The following DBT variants were observed in gnomAD, a reference collection of about 807,000 sequenced individuals.
The protein encoded by DBT is lipoamide acyltransferase component of branched-chain alpha-keto acid dehydrogenase complex, mitochondrial.
Under a neutral mutation model 51.3 loss-of-function variants are expected in DBT, and 40 were observed. The observed-to-expected ratio is 0.78, with a 90% CI of 0.61 to 1.02. The LOEUF (loss-of-function observed/expected upper bound fraction) is 1.02. DBT is among the 50% of genes least tolerant of loss of function. DBT has a pLI of 0.00. For missense variants in DBT, 510 were observed against 580.2 expected (o/e 0.88, Z 1.24); for synonymous variants, 181 against 190.4 (o/e 0.95, Z 0.41).
At chr1:100,197,117 T>A (rs965877501) in intron 10 of DBT, 1 of 154,042 alleles carries the variant, frequency 6.5e-6, no homozygotes, top group Admixed American at 6.5e-5. Context: ...AGACAAAATA[T>A]AAGCCCCAAC....
intron 10 of DBT, 145 bp from the exon 11 acceptor site, chr1:100,196,567 T>C: frequency 7.8e-7 from 1 of 1,286,352 alleles, no homozygotes; most frequent in African/African-American, 1.5e-5. Flanking sequence ...GCATCCCCAA[T>C]GACTTTTGAA....
chr1:100,225,064 C>A (rs201557975), intron 4 of DBT, among the ~76,000 whole-genome samples: 2 of 93,370 alleles, frequency 2.1e-5, no homozygotes, highest in African/African-American at 4.3e-5. Flanking sequence ...CACACACACA[C>A]ACACACACAC....
chr1:100,231,475 G>C (rs1445828035), intron 3 of DBT, among the ~76,000 whole-genome samples: 1 of 152,184 alleles, frequency 6.6e-6, no homozygotes, highest in Non-Finnish European at 1.5e-5. Context: ...AAACAAAACA[G>C]GAGGAATGGG....
chr1:100,238,010 A>G (rs1034885882), intron 2 of DBT, among the ~76,000 whole-genome samples: 3 of 152,170 alleles, frequency 2.0e-5, no homozygotes, highest in Admixed American at 6.5e-5. Flanking sequence ...TTTAAGAAAA[A>G]TGTAAGATGT....
chr1:100,204,272 A>T (rs909132799), intron 10 of DBT, among the ~76,000 whole-genome samples: 1 of 152,218 alleles, frequency 6.6e-6, no homozygotes, highest in African/African-American at 2.4e-5. Flanking sequence ...ATACAAAATC[A>T]ATGTGCAAAA....
intron 4 of DBT, among the ~76,000 whole-genome samples, chr1:100,224,723 T>A (rs1280837566): frequency 2.0e-5 from 3 of 151,854 alleles, no homozygotes; most frequent in Admixed American, 6.6e-5. Flanking sequence ...ATACATAAAA[T>A]ATAAAATCTG....
At chr1:100,218,882 G>C in intron 4 of DBT, 135 bp from the exon 5 acceptor site, 1 of 606,982 alleles carries the variant, frequency 1.6e-6, no homozygotes. Flanking sequence ...TATAAAAGTT[G>C]AACTACTTCA....
At chr1:100,213,406 G>A (rs1365710398) in intron 7 of DBT, 20 of 1,573,906 alleles carry the variant, frequency 1.3e-5, no homozygotes, top group South Asian at 6.9e-5. Context: ...CCGCGCCCCC[G>A]CAGCCGCCCT....
chr1:100,235,223 A>G (rs1663794433), intron 3 of DBT, among the ~76,000 whole-genome samples: 1 of 152,194 alleles, frequency 6.6e-6, no homozygotes, highest in South Asian at 2.1e-4. Flanking sequence ...CACTAAATAA[A>G]GTACCTTGAT....
rs763514053 is a variant in DBT, at chr1:100,202,484, AACATTAGACAGAACATTAG to A, written c.1281+3727_1281+3745del. On this transcript the variant is annotated intron_variant, in intron 10 of 10. Coordinates refer to ENST00000370132, the MANE Select transcript of DBT (RefSeq NM_001918.5). The stretch of plus-strand genomic sequence containing the variant: ...TGGGAGACTTTAACACCCCACTGTC[AACATTAGACAGAACATTAG>A]ACATTAGACAGAACAATGAGACAGA... 2.0e-3 allele frequency among the ~76,000 whole-genome samples: 311 copies of A among 152,338 alleles called. 1 individual carries two copies. Among genetic ancestry groups the A allele is most frequent in the Middle Eastern group, 0.017 (5 of 294 alleles).
chr1:100,204,775 G>A (rs754285379), intron 10 of DBT, among the ~76,000 whole-genome samples: 33 of 152,062 alleles, frequency 2.2e-4, no homozygotes, highest in African/African-American at 6.5e-4. Flanking sequence ...CAATGGAACC[G>A]CACAGGGGCC....
chr1:100,195,467 T>A lies in DBT; in HGVS notation c.*788A>T, dbSNP rs1661035087. On this transcript the variant is annotated 3_prime_UTR_variant, in exon 11 of 11. Coordinates refer to ENST00000370132, the MANE Select transcript of DBT (RefSeq NM_001918.5). The stretch of plus-strand genomic sequence containing the variant: ...ATATTCTCTATACAGAGCAAGAATA[T>A]ACTCTTGGATATCTCAAAAGAGAAG... The A allele has an allele frequency of 6.6e-6, 1 of 152,398 alleles. No homozygotes were observed. The highest frequency in any genetic ancestry group is 1.5e-5 in the Non-Finnish European group (1 of 68,056). The allele number at this position is 152,398 out of a possible 1,614,324, so 9.4% of individuals were successfully genotyped here. A position where few individuals can be genotyped will look rare whatever the true frequency, so the allele number is the denominator to read the frequency against.
chr1:100,248,338 G>A (rs1664679054), intron 1 of DBT, among the ~76,000 whole-genome samples: 1 of 152,172 alleles, frequency 6.6e-6, no homozygotes, highest in African/African-American at 2.4e-5. Context: ...ACATCTAATT[G>A]GGGATGCTCT....
At chr1:100,208,425 T>C (rs1250767143) in intron 8 of DBT, among the ~76,000 whole-genome samples, 1 of 152,066 alleles carries the variant, frequency 6.6e-6, no homozygotes, top group Non-Finnish European at 1.5e-5. Context: ...GAACCAACAT[T>C]TATAAAAATT....
At chr1:100,235,974 A>G (rs1663836442) in intron 2 of DBT, among the ~76,000 whole-genome samples, 1 of 152,194 alleles carries the variant, frequency 6.6e-6, no homozygotes. Context: ...AGGCAGTTCT[A>G]TATCTAGCAA....
chr1:100,219,782 T>C (rs937774426), intron 4 of DBT, among the ~76,000 whole-genome samples: 1 of 152,128 alleles, frequency 6.6e-6, no homozygotes, highest in South Asian at 2.1e-4. Context: ...ATAAAATCTA[T>C]GAAAATCTTA....
chr1:100,203,851 C>T (rs1490463793), intron 10 of DBT, among the ~76,000 whole-genome samples: 1 of 152,108 alleles, frequency 6.6e-6, no homozygotes, highest in Non-Finnish European at 1.5e-5. Flanking sequence ...TGACAAAAAC[C>T]ACATGATTAT....
At chr1:100,219,485 A>G (rs1662711133) in intron 4 of DBT, among the ~76,000 whole-genome samples, 1 of 152,206 alleles carries the variant, frequency 6.6e-6, no homozygotes, top group South Asian at 2.1e-4. Flanking sequence ...CATGCCTGTA[A>G]TCCTAACACT....
chr1:100,206,497 A>G lies in DBT; in HGVS notation c.1157T>C (p.Leu386Pro), dbSNP rs1383456936. The G allele has an allele frequency of 6.2e-7, 1 of 1,613,790 alleles. No individual in the cohort carries two copies. Among genetic ancestry groups the G allele is most frequent in the Non-Finnish European group, 8.5e-7 (1 of 1,179,796 alleles). The change falls in exon 9 of 11, where the codon CTC becomes CCC. Residue 386 changes from leucine (L) to proline (P), a missense_variant. By Grantham distance (98) the Leu-to-Pro change is moderately conservative. Coordinates refer to ENST00000370132, the MANE Select transcript of DBT (RefSeq NM_001918.5). ...RLQKLGSVSQLSTTDLTGGTF... is the reference protein window; with the variant it reads ...RLQKLGSVSQPSTTDLTGGTF... ...TCCTCCTGTAAGATCAGTGGTGCTG[A>G]GCTGACTCACAGAGCCCAATTTCTG...
Sources: allele counts gnomAD v4.1 joint callset (sites outside exome capture counted in the v4.1 genomes callset), GRCh38; gene constraint gnomAD v4.1.1; transcripts MANE v1.5; gene names NCBI Gene and HGNC (gene_info 2026-07-23, HGNC 2026-07-21).